ABCB6: variants seen among roughly 807,000 people sequenced by gnomAD.
The protein encoded by ABCB6 is ATP binding cassette subfamily B member 6 (LAN blood group), also known as ATP-binding cassette sub-family B member 6.
Under a neutral mutation model 99.4 loss-of-function variants are expected in ABCB6, and 87 were observed. The ratio of observed to expected loss-of-function variants is 0.88; its 90% CI spans 0.74 to 1.05. The LOEUF is 1.05. Among genes scored for constraint, ABCB6 ranks in the 50% least tolerant of loss-of-function variants. ABCB6 has a pLI of 0.00. For missense variants in ABCB6, 1,050 were observed against 1,097.9 expected (o/e 0.96, Z 0.62); for synonymous variants, 482 against 447.5 (o/e 1.08, Z -0.97).
At chr2:219,214,764 C>T (rs577316811) in intron 6 of ABCB6, 197 bp downstream of exon 6, 1 of 662,832 alleles carries the variant, frequency 1.5e-6, no homozygotes, top group South Asian at 1.9e-5. Context: ...ACAAGAATGT[C>T]CTTCCCCAGC....
intron 12 of ABCB6, 73 bp from the exon 13 acceptor site, chr2:219,213,138 C>G: frequency 6.2e-7 from 1 of 1,603,846 alleles, no homozygotes; most frequent in Non-Finnish European, 8.5e-7. Flanking sequence ...TGCCCCTCCC[C>G]TGCCCAGGCT....
Position 219,218,432 on chromosome 2 carries a change from G to C in ABCB6, c.242C>G (p.Thr81Arg). 1 of 1,610,550 alleles carries C rather than the reference G, an allele frequency of 6.2e-7. No individual in the cohort carries two copies. Among genetic ancestry groups the C allele is most frequent in the African/African-American group, 1.3e-5 (1 of 75,036 alleles). Residue 81 changes from threonine to arginine, a missense_variant, in exon 1 of 19, where the codon ACA becomes AGA. Coordinates refer to ENST00000265316, the MANE Select transcript of ABCB6 (RefSeq NM_005689.4). ...GGCCAGGGGCAGCGCCGCCTGAAGT[G>C]TGGCCAGAAGCAGCTGCAGCACGTA... ...SPYVLQLLLA[T>R]LQAALPLAGL... is the part of the protein sequence containing the mutation.
Position 219,216,756 on chromosome 2 carries a change from G to A in ABCB6, c.764C>T (p.Pro255Leu). 2.5e-6 allele frequency: 4 copies of A among 1,611,442 alleles called. No individual in the cohort carries two copies. The highest frequency in any genetic ancestry group is 1.1e-5 in the South Asian group (1 of 90,606). The change falls in exon 3 of 19, where the codon CCT (proline) becomes CTT (leucine). Residue 255 changes from proline to leucine, a missense_variant. Pro to Leu is a moderately conservative substitution (Grantham distance 98, BLOSUM62 -3). Transcript: ENST00000265316. This position sits in a 1 kb window ranked among gnomAD's most constrained non-coding sequence, Gnocchi z 4.2. ...CAGCTGCAGAGCTGGACTCCCTCGAGGCCACAGGTAGCCACTCAGGAGGCG... is the reference window on the plus strand; with the variant it reads ...CAGCTGCAGAGCTGGACTCCCTCGAAGCCACAGGTAGCCACTCAGGAGGCG... ...KLRLLSGYLW[P>L]RGSPALQLVV...
intron 13 of ABCB6, 126 bp from the exon 14 acceptor site, chr2:219,212,617 G>A (rs2106423947): frequency 1.4e-6 from 1 of 710,062 alleles, no homozygotes; most frequent in African/African-American, 1.8e-5. Context: ...CTGCCTCCCA[G>A]GTTCAAGCGA....
At chr2:219,214,592 G>T in intron 6 of ABCB6, 94 bp from the exon 7 acceptor site, 1 of 942,178 alleles carries the variant, frequency 1.1e-6, no homozygotes. Context: ...TACACACTAA[G>T]CCTATGCTCA....
In ABCB6 at chr2:219,213,224, C is replaced by G. The variant is rs1262842973; in HGVS notation, c.1805+17G>C. 1 of 1,613,946 alleles carries G rather than the reference C, an allele frequency of 6.2e-7. No homozygotes were observed. On this transcript the variant is annotated intron_variant, in intron 12 of 18. Transcript: ENST00000265316. ...CAAATGAACGGAAAAGCAAAGGAAG[C>G]AAAAGGAAGGCCTCACCCATCGGCA...
At chr2:219,212,555 C>T (rs941966323) in intron 13 of ABCB6, 64 bp from the exon 14 acceptor site, 3 of 1,263,464 alleles carry the variant, frequency 2.4e-6, no homozygotes, top group African/African-American at 1.5e-5. Flanking sequence ...CCGAATCTCA[C>T]TCCGTCACCC....
At position 219,210,259 on chromosome 2, in the gene ABCB6, G is replaced by A. The variant is rs577943624; in HGVS notation, c.2391C>T (p.Ile797=). The part of the protein sequence containing the change: ...TVVNADQILV[I]KDGCIVERGR... ...CCCTCTCCACGATGCAGCCATCCTT[G>A]ATGACGAGGATCTGGTCAGCATTGA... The change falls in exon 18 of 19, where the codon ATC becomes ATT. Residue 797 remains isoleucine, a synonymous_variant. Coordinates refer to ENST00000265316, the MANE Select transcript of ABCB6 (RefSeq NM_005689.4). The A allele has an allele frequency of 5.1e-5, 83 of 1,614,194 alleles. 1 individual carries two copies. In the South Asian group the frequency reaches 7.6e-4, roughly 15 times the overall value.
intron 7 of ABCB6, 98 bp from the exon 8 acceptor site, chr2:219,214,284 CA>C: frequency 6.7e-7 from 1 of 1,483,046 alleles, no homozygotes; most frequent in East Asian, 2.3e-5. Context: ...GTTCAAACAT[CA>C]CACACAAACA....
chr2:219,216,886 G>T lies in ABCB6; in HGVS notation c.688-54C>A. On this transcript the variant is annotated intron_variant, in intron 2 of 18. Coordinates refer to ENST00000265316, the MANE Select transcript of ABCB6 (RefSeq NM_005689.4). The surrounding 1 kb of genome is among the most constrained non-coding windows in gnomAD (Gnocchi z 4.2). ...GCTCAGAAATCAAGTAAGTGCACTAGCCAGAAACCCTTCAGGGAAAAACCT... is the reference window on the plus strand; with the variant it reads ...GCTCAGAAATCAAGTAAGTGCACTATCCAGAAACCCTTCAGGGAAAAACCT... The T allele has an allele frequency of 1.3e-6, 2 of 1,507,828 alleles. No homozygotes were observed. Among genetic ancestry groups the T allele is most frequent in the South Asian group, 2.5e-5 (2 of 79,992 alleles). 93.4% of individuals were successfully genotyped at this position (1,507,828 alleles called of 1,614,324 possible).
chr2:219,215,007 G>A lies in ABCB6; in HGVS notation c.1230C>T (p.Asn410=), dbSNP rs1375558736. 6.2e-6 allele frequency: 10 copies of A among 1,614,056 alleles called. No homozygotes were observed. The highest frequency in any genetic ancestry group is 1.1e-5 in the South Asian group (1 of 91,090). ...IGIIYFSMFF[N]AWFGLIVFLC... ...GGAACACAATGAGGCCAAACCAGGC[G>A]TTGAAGAACATGCTGAAGTAGATGA... Residue 410 remains asparagine, a synonymous_variant, in exon 6 of 19, where the codon AAC becomes AAT. Coordinates refer to ENST00000265316, the MANE Select transcript of ABCB6 (RefSeq NM_005689.4).
At chr2:219,217,502 G>A (rs1453438162) in intron 2 of ABCB6, among the ~76,000 whole-genome samples, 168 bp downstream of exon 2, 1 of 150,948 alleles carries the variant, frequency 6.6e-6, no homozygotes, top group Non-Finnish European at 1.5e-5. Context: ...AACTTAGCTG[G>A]GTGTGGTGTC....
chr2:219,212,413 G>A lies in ABCB6; in HGVS notation c.1942C>T (p.Arg648Ter), dbSNP rs376664522. The A allele has an allele frequency of 8.1e-5, 131 of 1,613,964 alleles. No homozygotes were observed. Among genetic ancestry groups the A allele is most frequent in the Admixed American group, 1.2e-4 (7 of 59,988 alleles). ...TGTGAAATGTCCTGCCCATCTATTC[G>A]GATGCAGCCAGAGCTGATGTCGTAG... Reference protein sequence around the residue: ...RFYDISSGCIRIDGQDISQVT... With the variant: ...RFYDISSGCI The change falls in exon 14 of 19, where the codon CGA becomes TGA. Residue 648 changes from arginine to a stop codon, truncating the protein, a stop_gained. Transcript: ENST00000265316. LOFTEE classifies it high-confidence loss of function.
chr2:219,214,479 A>G lies in ABCB6; in HGVS notation c.1296T>C (p.Thr432=), dbSNP rs780729151. Residue 432 remains threonine (T), a synonymous_variant, in exon 7 of 19, where the codon ACT becomes ACC. Transcript: ENST00000265316. Reference sequence around the variant, plus strand: ...CACGACGAAACTTGGTTCTCCACTCAGTGACCACAATGGTCAGGGCTGGAG... The same window carrying G: ...CACGACGAAACTTGGTTCTCCACTCGGTGACCACAATGGTCAGGGCTGGAG... ...SLYLTLTIVV[T]EWRTKFRRAM... The G allele has an allele frequency of 6.2e-7, 1 of 1,613,912 alleles. No individual in the cohort carries two copies. The highest frequency in any genetic ancestry group is 1.1e-5 in the South Asian group (1 of 91,080).
chr2:219,214,858 A>G, intron 6 of ABCB6, 103 bp downstream of exon 6: 1 of 1,426,694 alleles, frequency 7.0e-7, no homozygotes, highest in Non-Finnish European at 9.6e-7. Flanking sequence ...AAGTCCACCA[A>G]TCCACAGCCT....
chr2:219,213,022 G>A lies in ABCB6; in HGVS notation c.1849C>T (p.Gln617Ter), dbSNP rs749302568. 6.2e-7 allele frequency: 1 copy of A among 1,614,040 alleles called. No individual in the cohort carries two copies. Among genetic ancestry groups the A allele is most frequent in the East Asian group, 2.2e-5 (1 of 44,880 alleles). The change falls in exon 13 of 19, where the codon CAG (glutamine) becomes TAG (stop). Residue 617 changes from glutamine to a stop codon, truncating the protein, a stop_gained. Transcript: ENST00000265316. LOFTEE classifies it high-confidence loss of function. ...QDVSFTVMPGQTLALVGPSGA... is the reference protein window; with the variant it reads ...QDVSFTVMPG ...TCTCCTCTCACCAGGGCAAGTGTCT[G>A]TCCAGGCATCACAGTGAAAGACACG...
At position 219,215,018 on chromosome 2, in the gene ABCB6, T is replaced by A. The variant is rs771149709; in HGVS notation, c.1219A>T (p.Met407Leu). The change falls in exon 6 of 19, where the codon ATG becomes TTG. Residue 407 changes from methionine to leucine, a missense_variant. By Grantham distance (15) the Met-to-Leu change is conservative. Transcript: ENST00000265316. ...DIIIGIIYFS[M>L]FFNAWFGLIV... ...AGGCCAAACCAGGCGTTGAAGAACA[T>A]GCTGAAGTAGATGATGCCAATGATG... is the stretch of plus-strand genomic sequence containing the variant. The A allele has an allele frequency of 1.2e-6, 2 of 1,614,140 alleles. No homozygotes were observed.
At chr2:219,215,144 C>G in intron 5 of ABCB6, 62 bp from the exon 6 acceptor site, 1 of 1,604,856 alleles carries the variant, frequency 6.2e-7, no homozygotes, top group Non-Finnish European at 8.5e-7. Flanking sequence ...AACCCTGCCT[C>G]TAGGCATTTC....
Position 219,218,381 on chromosome 2 carries a change from G to T in ABCB6, c.293C>A (p.Ala98Asp). ...LAGLAGRVGTARGAPLPSYLL... is the reference protein window; with the variant it reads ...LAGLAGRVGTDRGAPLPSYLL... The stretch of plus-strand genomic sequence containing the variant: ...ATAGCTTGGCAGTGGGGCCCCCCGG[G>T]CAGTGCCCACCCGGCCAGCCAGGCC... Residue 98 changes from alanine (A) to aspartate (D), a missense_variant, in exon 1 of 19, where the codon GCC (alanine) becomes GAC (aspartate). Physicochemically the swap from Ala to Asp is moderately radical, Grantham distance 126. Transcript: ENST00000265316. 6.2e-7 allele frequency: 1 copy of T among 1,612,614 alleles called. No individual in the cohort carries two copies.
Sources: gnomAD v4.1 joint callset for allele counts (sites outside exome capture counted in the v4.1 genomes callset) on GRCh38, gnomAD v4.1.1 for gene constraint, Gnocchi (gnomAD v3.1) non-coding constraint, MANE v1.5 for transcripts, NCBI Gene and HGNC (gene_info 2026-07-23, HGNC 2026-07-21) for gene names.